The following PTPRT variants were observed in gnomAD, a reference collection of about 807,000 sequenced individuals.
The protein encoded by PTPRT is receptor-type tyrosine-protein phosphatase T.
Under a neutral mutation model 176.8 loss-of-function variants are expected in PTPRT, and 56 were observed. The ratio of observed to expected loss-of-function variants is 0.32; its 90% CI spans 0.26 to 0.40. The LOEUF (loss-of-function observed/expected upper bound fraction) is 0.40, where lower values mean the gene tolerates loss of function less well. Ranked by LOEUF, PTPRT falls within the 10% of genes least tolerant of loss-of-function variation. PTPRT has a pLI of 1.00. For synonymous variants in PTPRT, 783 were observed against 739.0 expected (o/e 1.06, Z -0.96); for missense variants, 1,540 against 1,908.2 (o/e 0.81, Z 3.60).
At chr20:42,546,267 A>C (rs572822758) in intron 7 of PTPRT, among the ~76,000 whole-genome samples, 1 of 152,174 alleles carries the variant, frequency 6.6e-6, no homozygotes, top group Admixed American at 6.5e-5. Context: ...TACACAAAAA[A>C]GGGGGGAAAT....
chr20:42,332,834 T>C (rs2057986773), intron 11 of PTPRT, among the ~76,000 whole-genome samples: 1 of 152,324 alleles, frequency 6.6e-6, no homozygotes, highest in African/African-American at 2.4e-5. Flanking sequence ...CAGTAGCAAA[T>C]GTAATATTTT....
chr20:42,665,299 C>A (rs1208734627), intron 7 of PTPRT, among the ~76,000 whole-genome samples: 2 of 152,210 alleles, frequency 1.3e-5, no homozygotes, highest in African/African-American at 4.8e-5. Flanking sequence ...TGAACAGACA[C>A]TTCTCAAAAG....
intron 2 of PTPRT, among the ~76,000 whole-genome samples, chr20:42,835,547 G>T (rs564883342): frequency 2.0e-5 from 3 of 152,222 alleles, no homozygotes; most frequent in South Asian, 4.2e-4. Context: ...GTTGCCTCAG[G>T]GGGGCAGAGA....
Position 42,634,074 on chromosome 20 carries a change from TA to T in PTPRT, c.1153+43791del, listed in dbSNP as rs1569039011. 3.7e-4 allele frequency among the ~76,000 whole-genome samples: 16 copies of T among 42,774 alleles called. 1 individual carries two copies. The highest frequency in any genetic ancestry group is 1.8e-3 in the African/African-American group (16 of 8,798). The allele number at this position is 42,774 out of a possible 152,430, so 28.1% of individuals were successfully genotyped here. Reference sequence around the variant, plus strand: ...ATATTATAAATATATAATATATATATAATATATATATAATATAATAATATAT... The same window carrying T: ...ATATTATAAATATATAATATATATATATATATATATAATATAATAATATAT... On this transcript the variant is annotated intron_variant, in intron 7 of 30. Transcript: ENST00000373187.
intron 6 of PTPRT, among the ~76,000 whole-genome samples, chr20:42,680,284 T>C (rs2075581215): frequency 6.6e-6 from 1 of 152,232 alleles, no homozygotes; most frequent in Non-Finnish European, 1.5e-5. Flanking sequence ...ATTGCCTCTA[T>C]TATAGCCTGC....
chr20:42,724,960 T>G (rs1473578170), intron 6 of PTPRT, among the ~76,000 whole-genome samples: 1 of 152,030 alleles, frequency 6.6e-6, no homozygotes, highest in Non-Finnish European at 1.5e-5. Flanking sequence ...CCTTCTGCTA[T>G]GTGAGAGAAT....
chr20:42,583,885 G>T (rs1022047182), intron 7 of PTPRT, among the ~76,000 whole-genome samples: 4 of 152,166 alleles, frequency 2.6e-5, no homozygotes, highest in African/African-American at 4.8e-5. Context: ...TACTCCATGT[G>T]GTAGACTAAA....
chr20:43,181,566 C>A (rs568107749), intron 1 of PTPRT, among the ~76,000 whole-genome samples: 1 of 152,262 alleles, frequency 6.6e-6, no homozygotes, highest in East Asian at 1.9e-4. Context: ...TGGCAAAATT[C>A]TTTTTAATTA....
intron 8 of PTPRT, among the ~76,000 whole-genome samples, chr20:42,466,363 A>C (rs2071102035): frequency 6.6e-6 from 1 of 152,232 alleles, no homozygotes; most frequent in Non-Finnish European, 1.5e-5. Context: ...GGTGGAAGGC[A>C]AACCTTTAAA....
chr20:43,176,819 GT>G (rs2015133883), intron 1 of PTPRT, among the ~76,000 whole-genome samples: 1 of 152,082 alleles, frequency 6.6e-6, no homozygotes, highest in African/African-American at 2.4e-5. Context: ...TTAGTATGAG[GT>G]CATCCAACAT....
chr20:42,051,538 A>T, the PTPRT span, among the ~76,000 whole-genome samples: 1 of 152,200 alleles, frequency 6.6e-6, no homozygotes, highest in East Asian at 1.9e-4. Context: ...AAACCTAGGC[A>T]GGTCCCCCAG....
chr20:42,257,691 G>A (rs1162210979), intron 13 of PTPRT, among the ~76,000 whole-genome samples: 9 of 125,060 alleles, frequency 7.2e-5, no homozygotes, highest in African/African-American at 2.8e-4. Context: ...ATCCTGCCAT[G>A]TAAGATGCCT....
chr20:42,151,696 C>T (rs995685935), intron 17 of PTPRT, among the ~76,000 whole-genome samples: 1 of 152,168 alleles, frequency 6.6e-6, no homozygotes, highest in African/African-American at 2.4e-5. Context: ...TGGTATTTCT[C>T]GTTCTAGATC....
At chr20:42,465,149 A>C (rs17327435) in intron 8 of PTPRT, among the ~76,000 whole-genome samples, 7 of 151,878 alleles carry the variant, frequency 4.6e-5, no homozygotes, top group Non-Finnish European at 7.4e-5. Context: ...ATAGAAAAAA[A>C]AACACTCTTT....
chr20:42,565,300 C>T (rs564733836), intron 7 of PTPRT, among the ~76,000 whole-genome samples: 2 of 152,324 alleles, frequency 1.3e-5, no homozygotes, highest in African/African-American at 4.8e-5. Flanking sequence ...CGCCTAGGTG[C>T]ACAAGTGCAT....
chr20:43,036,534 AG>A (rs1986386312), intron 1 of PTPRT, among the ~76,000 whole-genome samples: 1 of 151,476 alleles, frequency 6.6e-6, no homozygotes, highest in Admixed American at 6.6e-5. Flanking sequence ...AAGAGAAGAA[AG>A]AAAGAGAAAA....
At chr20:42,086,741 A>ATATATATATAT (rs1311915259) in intron 27 of PTPRT, among the ~76,000 whole-genome samples, 4 of 37,974 alleles carry the variant, frequency 1.1e-4, no homozygotes, top group Non-Finnish European at 1.8e-4. Flanking sequence ...AAAAAAAAAA[A>ATATATATATAT]AAAAAAAAAA....
intron 1 of PTPRT, among the ~76,000 whole-genome samples, chr20:43,040,428 T>C (rs527369204): frequency 1.3e-5 from 2 of 152,334 alleles, no homozygotes; most frequent in East Asian, 3.9e-4. Flanking sequence ...AATTATTCAC[T>C]ATATATACTT....
At chr20:42,661,380 A>G (rs1451403110) in intron 7 of PTPRT, among the ~76,000 whole-genome samples, 1 of 152,206 alleles carries the variant, frequency 6.6e-6, no homozygotes, top group African/African-American at 2.4e-5. Context: ...AAAAGGGAAT[A>G]GACACAAGCA....
Sources: gnomAD v4.1 joint callset for allele counts (sites outside exome capture counted in the v4.1 genomes callset) on GRCh38, gnomAD v4.1.1 for gene constraint, MANE v1.5 for transcripts, NCBI Gene and HGNC (gene_info 2026-07-23, HGNC 2026-07-21) for gene names.